The following IQGAP2 variants were observed in gnomAD, a reference collection of about 807,000 sequenced individuals.
IQGAP2 encodes ras GTPase-activating-like protein IQGAP2.
IQGAP2 carries 173 observed loss-of-function variants against 201.3 expected under a neutral mutation model. That is an observed-to-expected ratio of 0.86 (90% CI 0.76 to 0.98). IQGAP2 has a LOEUF of 0.98. IQGAP2 is among the 50% of genes least tolerant of loss of function. IQGAP2 has a pLI of 0.00. For missense variants in IQGAP2, 1,687 were observed against 1,864.8 expected, an observed-to-expected ratio of 0.90 and a Z score of 1.76; for synonymous variants, 675 against 673.9, an observed-to-expected ratio of 1.00 and a Z score of -0.03.
At chr5:76,504,414 C>T (rs1224810261) in intron 2 of IQGAP2, among the ~76,000 whole-genome samples, 3 of 152,086 alleles carry the variant, frequency 2.0e-5, no homozygotes, top group Admixed American at 2.0e-4. Context: ...ATTTTACTGC[C>T]ACTCTCCCTC....
At chr5:76,690,700 C>G (rs1746191175) in intron 30 of IQGAP2, among the ~76,000 whole-genome samples, 2 of 152,030 alleles carry the variant, frequency 1.3e-5, no homozygotes, top group South Asian at 4.1e-4. Context: ...TTATTTAACC[C>G]AATATATCCA....
At chr5:76,675,885 G>A (rs1744765650) in intron 27 of IQGAP2, among the ~76,000 whole-genome samples, 1 of 151,948 alleles carries the variant, frequency 6.6e-6, no homozygotes, top group African/African-American at 2.4e-5. Context: ...GTAATATCCA[G>A]GCTGGGCAAC....
chr5:76,590,805 G>A (rs897984248), intron 8 of IQGAP2, among the ~76,000 whole-genome samples: 23 of 152,192 alleles, frequency 1.5e-4, no homozygotes, highest in African/African-American at 5.3e-4. Flanking sequence ...GAATTTTATA[G>A]TCCAGGCATG....
intron 2 of IQGAP2, among the ~76,000 whole-genome samples, chr5:76,470,975 G>A (rs991037491): frequency 1.3e-5 from 2 of 152,224 alleles, no homozygotes; most frequent in Non-Finnish European, 2.9e-5. Flanking sequence ...AAAAGAATTA[G>A]TACTGCTGAG....
At chr5:76,406,940 G>T (rs1375227015) in intron 1 of IQGAP2, among the ~76,000 whole-genome samples, 1 of 152,130 alleles carries the variant, frequency 6.6e-6, no homozygotes, top group African/African-American at 2.4e-5. Context: ...ATGTTGTGGG[G>T]GCGGGGAAGG....
At chr5:76,485,018 A>G (rs554441800) in intron 2 of IQGAP2, among the ~76,000 whole-genome samples, 5 of 152,254 alleles carry the variant, frequency 3.3e-5, no homozygotes, top group African/African-American at 1.2e-4. Flanking sequence ...TTGAAGCAAC[A>G]GAGTCTTCCT....
In IQGAP2 at chr5:76,500,072, T is replaced by C. The variant is rs564466387; in HGVS notation, c.146+38403T>C. 2.6e-5 allele frequency among the ~76,000 whole-genome samples: 4 copies of C among 152,218 alleles called. No individual in the cohort carries two copies. The South Asian group carries it at 8.3e-4, about 32-fold the overall frequency. ...GCAGGGAGCTGTGATTACACCATTGTACTCCAACCTAGGTGACAGAGAGAG... is the reference window on the plus strand; with the variant it reads ...GCAGGGAGCTGTGATTACACCATTGCACTCCAACCTAGGTGACAGAGAGAG... On this transcript the variant is annotated intron_variant, in intron 2 of 35. Transcript: ENST00000274364.
chr5:76,628,494 G>A (rs1750437575), intron 14 of IQGAP2, among the ~76,000 whole-genome samples: 1 of 152,096 alleles, frequency 6.6e-6, no homozygotes, highest in Non-Finnish European at 1.5e-5. Flanking sequence ...CTGTTTTTAA[G>A]GAAGAATAAC....
At chr5:76,644,132 A>T (rs1751812385) in intron 17 of IQGAP2, among the ~76,000 whole-genome samples, 1 of 151,870 alleles carries the variant, frequency 6.6e-6, no homozygotes, top group African/African-American at 2.4e-5. Context: ...TAGAGCAATG[A>T]CCTCTGAGGT....
At chr5:76,647,478 G>A (rs1580714552) in intron 17 of IQGAP2, among the ~76,000 whole-genome samples, 1 of 152,138 alleles carries the variant, frequency 6.6e-6, no homozygotes, top group South Asian at 2.1e-4. Context: ...TGAATCATGG[G>A]GGCGGTTTCC....
chr5:76,529,226 A>G (rs1256732422), intron 2 of IQGAP2, among the ~76,000 whole-genome samples: 2 of 150,932 alleles, frequency 1.3e-5, no homozygotes, highest in Non-Finnish European at 2.9e-5. Context: ...CCAATGATGT[A>G]CATATGAAAA....
intron 32 of IQGAP2, among the ~76,000 whole-genome samples, chr5:76,696,495 T>C (rs1009659169): frequency 6.6e-6 from 1 of 152,190 alleles, no homozygotes; most frequent in Admixed American, 6.5e-5. Flanking sequence ...TAAGGAAGTA[T>C]ATATTTGGGT....
In IQGAP2 at chr5:76,668,868, A is replaced by C. The variant is rs200765471; in HGVS notation, c.2843+24A>C. On this transcript the variant is annotated intron_variant, in intron 23 of 35. Coordinates refer to ENST00000274364, the MANE Select transcript of IQGAP2 (RefSeq NM_006633.5). ...AAGTATGTATACAAATATGTATGTAAAAATACCAGTGAATCAATCCTTTTG... is the reference window on the plus strand; with the variant it reads ...AAGTATGTATACAAATATGTATGTACAAATACCAGTGAATCAATCCTTTTG... 2.2e-4 allele frequency: 313 copies of C among 1,453,192 alleles called. 1 individual carries two copies. In the Middle Eastern group the frequency reaches 2.9e-3, roughly 14 times the overall value. The allele number at this position is 1,453,192 out of a possible 1,614,324, so 90.0% of individuals were successfully genotyped here.
intron 1 of IQGAP2, among the ~76,000 whole-genome samples, chr5:76,443,576 A>G (rs776840060): frequency 2.6e-5 from 4 of 151,890 alleles, no homozygotes; most frequent in Non-Finnish European, 5.9e-5. Context: ...TTGGCACCCA[A>G]TCCTTGGGCA....
intron 1 of IQGAP2, among the ~76,000 whole-genome samples, chr5:76,442,661 C>T (rs187377125): frequency 1.4e-4 from 21 of 152,286 alleles, no homozygotes; most frequent in African/African-American, 4.1e-4. Context: ...TCAGCTGTAA[C>T]CCCAGTTCTT....
intron 1 of IQGAP2, among the ~76,000 whole-genome samples, chr5:76,428,196 G>A (rs1712186208): frequency 6.6e-6 from 1 of 152,062 alleles, no homozygotes; most frequent in Admixed American, 6.6e-5. Flanking sequence ...CTTTCTGCTT[G>A]CCCAGCTCTG....
Position 76,403,481 on chromosome 5 carries a change from C to G in IQGAP2, c.-65C>G. 1.6e-6 allele frequency: 2 copies of G among 1,280,444 alleles called. No individual in the cohort carries two copies. The highest frequency in any genetic ancestry group is 2.0e-6 in the Non-Finnish European group (2 of 993,906). The allele number at this position is 1,280,444 out of a possible 1,614,324, so 79.3% of individuals were successfully genotyped here. ...GCGCGCCGGCGGGGCGCAGAGCCCG[C>G]GAGCCTGGCCAGCGAGGGTAGCCGC... On this transcript the variant is annotated 5_prime_UTR_variant, in exon 1 of 36. Transcript: ENST00000274364. This position sits in a 1 kb window ranked among gnomAD's most constrained non-coding sequence, Gnocchi z 4.8.
chr5:76,701,362 C>T, intron 34 of IQGAP2, 149 bp downstream of exon 34: 1 of 753,108 alleles, frequency 1.3e-6, no homozygotes, highest in Admixed American at 2.3e-5. Context: ...GCTACTCTTC[C>T]CTTGGCCTCA....
chr5:76,514,655 C>T (rs1373791850), intron 2 of IQGAP2, among the ~76,000 whole-genome samples: 1 of 152,234 alleles, frequency 6.6e-6, no homozygotes, highest in Non-Finnish European at 1.5e-5. Context: ...TAGAAGCAGT[C>T]ATTGAAATCA....
Sources: allele counts gnomAD v4.1 joint callset (sites outside exome capture counted in the v4.1 genomes callset), GRCh38; gene constraint gnomAD v4.1.1; non-coding constraint Gnocchi (gnomAD v3.1); transcripts MANE v1.5; gene names NCBI Gene and HGNC (gene_info 2026-07-23, HGNC 2026-07-21).